QTRT1: variants seen among roughly 807,000 people sequenced by gnomAD.
QTRT1 encodes queuine tRNA-ribosyltransferase catalytic subunit 1.
A neutral mutation model predicts 44.0 loss-of-function variants in QTRT1; 41 were observed. That is an observed-to-expected ratio of 0.93 (90% CI 0.73 to 1.21). The LOEUF is 1.21. Among genes scored for constraint, QTRT1 ranks in the 50% most tolerant of loss-of-function variants. The pLI is 0.00. For synonymous variants in QTRT1, 226 were observed against 237.1 expected, an observed-to-expected ratio of 0.95 and a Z score of 0.43; for missense variants, 542 against 575.8, an observed-to-expected ratio of 0.94 and a Z score of 0.60.
intron 3 of QTRT1, among the ~76,000 whole-genome samples, chr19:10,706,485 G>A (rs1156301692): frequency 6.6e-6 from 1 of 151,970 alleles, no homozygotes; most frequent in African/African-American, 2.4e-5. Flanking sequence ...CGATTCTCCT[G>A]CCTCAGCCTC....
At position 10,701,570 on chromosome 19, in the gene QTRT1, A is replaced by G. The variant is rs747033386; in HGVS notation, c.110A>G (p.His37Arg). The change falls in exon 1 of 10, where the codon CAT becomes CGT. Residue 37 changes from histidine (H) to arginine (R), a missense_variant. His to Arg is a conservative substitution (Grantham distance 29). Coordinates refer to ENST00000250237, the MANE Select transcript of QTRT1 (RefSeq NM_031209.3). ...RARAGELWLPHGTVATPVFMP... is the reference protein window; with the variant it reads ...RARAGELWLPRGTVATPVFMP... ...CGGGCAGGCGAGCTGTGGCTGCCGC[A>G]TGGGACAGTGGCCACTCCTGTGTTC... 6.2e-7 allele frequency: 1 copy of G among 1,608,216 alleles called. No individual in the cohort carries two copies. The highest frequency in any genetic ancestry group is 1.1e-5 in the South Asian group (1 of 90,570).
At chr19:10,707,962 T>C (rs1340192408) in intron 5 of QTRT1, among the ~76,000 whole-genome samples, 7 of 151,544 alleles carry the variant, frequency 4.6e-5, no homozygotes, top group South Asian at 4.2e-4. Flanking sequence ...TTTTTTTTTT[T>C]TGGAGGGTGG....
intron 4 of QTRT1, 31 bp from the exon 5 acceptor site, chr19:10,707,469 C>T (rs1268928578): frequency 1.2e-6 from 2 of 1,610,290 alleles, no homozygotes; most frequent in Middle Eastern, 1.7e-4. Context: ...TCACCAGGCC[C>T]CTGGGGCTTG....
chr19:10,702,000 G>A lies in QTRT1; in HGVS notation c.294G>A (p.Trp98Ter). 7 of 1,614,192 alleles carry A rather than the reference G, an allele frequency of 4.3e-6. No homozygotes were observed. The highest frequency in any genetic ancestry group is 5.9e-6 in the Non-Finnish European group (7 of 1,180,032). Residue 98 changes from tryptophan to a stop codon, truncating the protein, a stop_gained, in exon 2 of 10, where the codon TGG (tryptophan) becomes TGA (stop). Transcript: ENST00000250237. LOFTEE classifies it high-confidence loss of function. ...ACGGTCTCCACGGCTTCATGAATTG[G>A]CCTCATAATCTGCTAACGGTGAGCT... ...KANGLHGFMN[W>*]PHNLLTDSGG... is the part of the protein sequence containing the mutation.
intron 3 of QTRT1, 68 bp from the exon 4 acceptor site, chr19:10,707,234 A>G: frequency 2.6e-6 from 4 of 1,519,544 alleles, no homozygotes; most frequent in Admixed American, 3.3e-5. Flanking sequence ...ACTTGTCCCC[A>G]TGTGACGGCA....
At chr19:10,703,163 A>G (rs1244883892) in intron 3 of QTRT1, among the ~76,000 whole-genome samples, 2 of 148,852 alleles carry the variant, frequency 1.3e-5, no homozygotes, top group Non-Finnish European at 3.0e-5. Context: ...CCTGGGTTCA[A>G]GTGATTCTCC....
chr19:10,710,012 AAAAAAAAG>A (rs1462647954), intron 5 of QTRT1, among the ~76,000 whole-genome samples: 9 of 151,798 alleles, frequency 5.9e-5, no homozygotes, highest in South Asian at 4.2e-4. Flanking sequence ...ATCTGTCTCA[AAAAAAAAG>A]AAAAAAAGAA....
At chr19:10,708,264 C>G (rs991383759) in intron 5 of QTRT1, among the ~76,000 whole-genome samples, 5 of 151,958 alleles carry the variant, frequency 3.3e-5, no homozygotes, top group Non-Finnish European at 5.9e-5. Flanking sequence ...TACCTGGCCT[C>G]TTTATTTATT....
chr19:10,710,849 G>A (rs1190332092), intron 5 of QTRT1, among the ~76,000 whole-genome samples: 1 of 151,356 alleles, frequency 6.6e-6, no homozygotes, highest in Non-Finnish European at 1.5e-5. Context: ...CTTGAACCCG[G>A]GAGGCGAGGG....
rs2068742921 is a variant in QTRT1 at position 10,712,373 on chromosome 19, G to A, written c.785+74G>A. ...CCTGGGGACCCCCTACCCTGCTTGG[G>A]GAGGTGGCATTTGGGGGAAACGGAC... On this transcript the variant is annotated intron_variant, in intron 6 of 9. Coordinates refer to ENST00000250237, the MANE Select transcript of QTRT1 (RefSeq NM_031209.3). This position sits in a 1 kb window ranked among gnomAD's most constrained non-coding sequence, Gnocchi z 5.6. The A allele has an allele frequency of 1.3e-6, 2 of 1,555,958 alleles. No individual in the cohort carries two copies. Among genetic ancestry groups the A allele is most frequent in the East Asian group, 4.5e-5 (2 of 44,442 alleles).
chr19:10,712,203 T>C lies in QTRT1; in HGVS notation c.689T>C (p.Leu230Pro). ...GTGCCTGGCTTCGCCATCGGGGGCC[T>C]GAGCGGGGGTGAGAGCAAGTCGCAG... ...RDVPGFAIGG[L>P]SGGESKSQFW... Residue 230 changes from leucine (L) to proline (P), a missense_variant, in exon 6 of 10, where the codon CTG becomes CCG. Leu to Pro is a moderately conservative substitution (Grantham distance 98, BLOSUM62 -3). Transcript: ENST00000250237. This position sits in a 1 kb window ranked among gnomAD's most constrained non-coding sequence, Gnocchi z 5.6. The C allele has an allele frequency of 6.2e-7, 1 of 1,613,914 alleles. No homozygotes were observed. The highest frequency in any genetic ancestry group is 8.5e-7 in the Non-Finnish European group (1 of 1,180,044).
chr19:10,704,615 T>C (rs1397699026), intron 3 of QTRT1, among the ~76,000 whole-genome samples: 1 of 150,728 alleles, frequency 6.6e-6, no homozygotes, highest in African/African-American at 2.4e-5. Context: ...GAAACCGAGT[T>C]TCGCTCTTGT....
intron 3 of QTRT1, among the ~76,000 whole-genome samples, chr19:10,704,872 C>T (rs1238848871): frequency 6.6e-6 from 1 of 151,730 alleles, no homozygotes; most frequent in Non-Finnish European, 1.5e-5. Flanking sequence ...CAGGTGTGAG[C>T]CACCATGCCC....
chr19:10,711,962 C>T (rs1373842676), intron 5 of QTRT1, 199 bp from the exon 6 acceptor site: 4 of 655,602 alleles, frequency 6.1e-6, no homozygotes, highest in Non-Finnish European at 1.1e-5. Flanking sequence ...AGCCCCTAGA[C>T]AGACAGACAA....
At position 10,701,967 on chromosome 19, in the gene QTRT1, G is replaced by GAAAGCC; in HGVS notation, c.264_269dup (p.Lys88_Ala89dup). On this transcript the variant is annotated inframe_insertion, in exon 2 of 10. Coordinates refer to ENST00000250237, the MANE Select transcript of QTRT1 (RefSeq NM_031209.3). ...CAACCCAGGGACCCGAGCTGATCCA[G>GAAAGCC]AAAGCCAACGGTCTCCACGGCTTCA... 9.9e-6 allele frequency: 16 copies of GAAAGCC among 1,614,190 alleles called. No homozygotes were observed. The highest frequency in any genetic ancestry group is 1.4e-5 in the Non-Finnish European group (16 of 1,180,034).
chr19:10,706,529 C>T (rs917416608), intron 3 of QTRT1, among the ~76,000 whole-genome samples: 5 of 152,042 alleles, frequency 3.3e-5, no homozygotes, highest in East Asian at 3.9e-4. Flanking sequence ...TATACCACCA[C>T]GCCCGGCTAA....
intron 1 of QTRT1, 65 bp downstream of exon 1, chr19:10,701,768 C>A: frequency 1.3e-6 from 2 of 1,555,228 alleles, no homozygotes; most frequent in Non-Finnish European, 1.7e-6. Context: ...CATGGAGCGT[C>A]CTCCAGGCCC....
At chr19:10,710,820 G>A (rs1024856382) in intron 5 of QTRT1, among the ~76,000 whole-genome samples, 1 of 151,706 alleles carries the variant, frequency 6.6e-6, no homozygotes, top group Non-Finnish European at 1.5e-5. Context: ...CTACTCGGGG[G>A]GCTGAGGCAG....
In QTRT1 at chr19:10,713,018, C is replaced by T. The variant is rs771040481; in HGVS notation, c.1037C>T (p.Thr346Met). 2.5e-6 allele frequency: 4 copies of T among 1,611,358 alleles called. No individual in the cohort carries two copies. The highest frequency in any genetic ancestry group is 3.3e-5 in the Admixed American group (2 of 59,998). Reference protein sequence around the residue: ...SDNTAALHHLTVHNIAYQLQL... With the variant: ...SDNTAALHHLMVHNIAYQLQL... ...AACACGGCCGCGCTGCACCACCTCA[C>T]GGTCCACAACATCGCCTACCAGGTG... Residue 346 changes from threonine to methionine, a missense_variant, in exon 9 of 10, where the codon ACG becomes ATG. Physicochemically the swap from Thr to Met is moderately conservative, Grantham distance 81 (BLOSUM62 -1). Transcript: ENST00000250237. The surrounding 1 kb of genome is among the most constrained non-coding windows in gnomAD (Gnocchi z 4.3).
Sources: gnomAD v4.1 joint callset for allele counts (sites outside exome capture counted in the v4.1 genomes callset) on GRCh38, gnomAD v4.1.1 for gene constraint, Gnocchi (gnomAD v3.1) non-coding constraint, MANE v1.5 for transcripts, NCBI Gene and HGNC (gene_info 2026-07-23, HGNC 2026-07-21) for gene names.